The following COP1 variants were observed in gnomAD, a reference collection of about 807,000 sequenced individuals.
COP1 encodes the protein E3 ubiquitin-protein ligase COP1.
In COP1, 24 loss-of-function variants were observed where a neutral mutation model predicts 101.3. The ratio of observed to expected loss-of-function variants is 0.24; its 90% CI spans 0.17 to 0.33. The LOEUF is 0.33. COP1 is among the 10% of genes least tolerant of loss of function. COP1 has a pLI of 1.00. For missense variants in COP1, 663 were observed against 906.2 expected, an observed-to-expected ratio of 0.73 and a Z score of 3.45; for synonymous variants, 347 against 341.9, an observed-to-expected ratio of 1.01 and a Z score of -0.17.
At chr1:176,074,846 T>A (rs1157740935) in intron 11 of COP1, among the ~76,000 whole-genome samples, 1 of 151,922 alleles carries the variant, frequency 6.6e-6, no homozygotes, top group East Asian at 1.9e-4. Flanking sequence ...TACAGGTAAG[T>A]GCATACATAT....
chr1:176,160,168 C>T (rs1694079453), intron 5 of COP1: 2 of 263,022 alleles, frequency 7.6e-6, no homozygotes, highest in Non-Finnish European at 1.5e-5. Flanking sequence ...AAGACTAATG[C>T]TGGCATATGA....
chr1:176,038,170 T>G (rs1302461661), intron 14 of COP1, among the ~76,000 whole-genome samples: 9 of 152,184 alleles, frequency 5.9e-5, no homozygotes. Context: ...AATACCATTT[T>G]CATTAGCACC....
intron 14 of COP1, among the ~76,000 whole-genome samples, chr1:176,031,880 T>C (rs2149097922): frequency 6.6e-6 from 1 of 152,320 alleles, no homozygotes; most frequent in South Asian, 2.1e-4. Flanking sequence ...AAAATTTGAG[T>C]GAATCATTCC....
Position 176,163,810 on chromosome 1 carries a change from C to A in COP1, c.642+5G>T. ...TTAAAAATAGTAATAAGAGTTGAAA[C>A]ATACGGTGCTACTCACTGAGTGGTC... is the stretch of plus-strand genomic sequence containing the variant. On this transcript the variant is annotated splice_donor_5th_base_variant and intron_variant, in intron 4 of 19. Coordinates refer to ENST00000367669, the MANE Select transcript of COP1 (RefSeq NM_022457.7). 5 of 1,533,680 alleles carry A rather than the reference C, an allele frequency of 3.3e-6. No homozygotes were observed. Among genetic ancestry groups the A allele is most frequent in the South Asian group, 1.2e-5 (1 of 81,106 alleles).
intron 2 of COP1, among the ~76,000 whole-genome samples, chr1:176,182,736 A>G (rs1572728081): frequency 6.6e-6 from 1 of 152,270 alleles, no homozygotes; most frequent in East Asian, 1.9e-4. Context: ...AATGGCCTGA[A>G]AAGGCCAAGA....
chr1:176,006,458 A>C (rs1663242784), intron 15 of COP1, among the ~76,000 whole-genome samples: 1 of 152,104 alleles, frequency 6.6e-6, no homozygotes, highest in African/African-American at 2.4e-5. Flanking sequence ...GGGCTTTACA[A>C]TTTGGCATGA....
chr1:175,994,177 T>C (rs1182876230), intron 15 of COP1, among the ~76,000 whole-genome samples: 1 of 152,128 alleles, frequency 6.6e-6, no homozygotes, highest in Non-Finnish European at 1.5e-5. Context: ...TAAAATACTT[T>C]ACAGACAAAC....
chr1:176,079,246 A>G (rs1168311020), intron 11 of COP1, among the ~76,000 whole-genome samples: 1 of 152,210 alleles, frequency 6.6e-6, no homozygotes, highest in Non-Finnish European at 1.5e-5. Flanking sequence ...CTTGGTGGCC[A>G]TCAATGGTGG....
At chr1:175,952,465 T>G (rs971858042) in intron 18 of COP1, among the ~76,000 whole-genome samples, 5 of 151,450 alleles carry the variant, frequency 3.3e-5, no homozygotes, top group Non-Finnish European at 5.9e-5. Context: ...AGCCATCCAT[T>G]GAGATACACA....
Position 175,986,327 on chromosome 1 carries a change from A to AT in COP1, c.2133+615dup, listed in dbSNP as rs544938776. ...AGCCACCGAACCTAGCCTAAGAATT[A>AT]TTTTTTCATATAACTTATGAAAAAC... is the stretch of plus-strand genomic sequence containing the variant. On this transcript the variant is annotated intron_variant, in intron 18 of 19. Transcript: ENST00000367669. Among the ~76,000 whole-genome samples the AT allele has an allele frequency of 1.7e-3, 257 of 152,202 alleles. 1 individual carries two copies. The highest frequency in any genetic ancestry group is 5.9e-3 in the African/African-American group (246 of 41,516).
At chr1:175,960,644 G>C (rs1651224841) in intron 18 of COP1, among the ~76,000 whole-genome samples, 1 of 152,200 alleles carries the variant, frequency 6.6e-6, no homozygotes, top group Non-Finnish European at 1.5e-5. Context: ...TTGGACATTA[G>C]ATGGTACTGG....
At chr1:176,141,930 CACTA>C (rs1454071347) in intron 6 of COP1, among the ~76,000 whole-genome samples, 3 of 151,984 alleles carry the variant, frequency 2.0e-5, no homozygotes, top group Non-Finnish European at 4.4e-5. Context: ...GACAAAGTCT[CACTA>C]TATTGTCCAG....
chr1:176,130,362 A>G (rs1373508745), intron 8 of COP1, among the ~76,000 whole-genome samples: 2 of 151,870 alleles, frequency 1.3e-5, no homozygotes, highest in African/African-American at 2.4e-5. Flanking sequence ...ACCAATCTCT[A>G]ATTTTCTCAT....
chr1:176,099,188 C>T (rs1005125713), intron 9 of COP1, among the ~76,000 whole-genome samples: 1 of 152,096 alleles, frequency 6.6e-6, no homozygotes, highest in Non-Finnish European at 1.5e-5. Flanking sequence ...CAAAAAATGG[C>T]TTATAACAAG....
At chr1:175,990,592 C>T (rs745737408) in intron 15 of COP1, among the ~76,000 whole-genome samples, 4 of 152,134 alleles carry the variant, frequency 2.6e-5, no homozygotes, top group Non-Finnish European at 5.9e-5. Flanking sequence ...TTTTCAACAA[C>T]TTCAGTCAAA....
chr1:176,052,748 T>C (rs1048077741), intron 11 of COP1, among the ~76,000 whole-genome samples: 2 of 152,202 alleles, frequency 1.3e-5, no homozygotes, highest in Non-Finnish European at 2.9e-5. Flanking sequence ...TGCATCTTAC[T>C]AGTTTCCTAT....
chr1:176,100,573 G>C (rs760862496), intron 9 of COP1, among the ~76,000 whole-genome samples: 2 of 152,084 alleles, frequency 1.3e-5, no homozygotes, highest in African/African-American at 4.8e-5. Context: ...AAAACAAAAG[G>C]GATGGGTAAT....
chr1:176,080,133 G>A (rs929559857), intron 11 of COP1, among the ~76,000 whole-genome samples: 2 of 151,962 alleles, frequency 1.3e-5, no homozygotes, highest in Non-Finnish European at 2.9e-5. Flanking sequence ...TTCAAAACAC[G>A]CTGTATGCAA....
At chr1:176,183,439 C>A (rs1238020815) in intron 2 of COP1, among the ~76,000 whole-genome samples, 1 of 152,234 alleles carries the variant, frequency 6.6e-6, no homozygotes, top group East Asian at 1.9e-4. Context: ...CTATCAAAAA[C>A]CAACAACAGA....
Sources: allele counts gnomAD v4.1 joint callset (sites outside exome capture counted in the v4.1 genomes callset), GRCh38; gene constraint gnomAD v4.1.1; transcripts MANE v1.5; gene names NCBI Gene and HGNC (gene_info 2026-07-23, HGNC 2026-07-21).